The following WWP2 variants were observed in gnomAD, a reference collection of about 807,000 sequenced individuals.
WWP2 encodes WW domain containing E3 ubiquitin protein ligase 2.
Under a neutral mutation model 121.0 loss-of-function variants are expected in WWP2, and 57 were observed. That is an observed-to-expected ratio of 0.47 (90% CI 0.38 to 0.59). The LOEUF (loss-of-function observed/expected upper bound fraction) is 0.59. Ranked by LOEUF, WWP2 falls within the 20% of genes least tolerant of loss-of-function variation. The probability of loss-of-function intolerance (pLI) is 0.00; values close to 1 mark genes in which losing one functional copy is unlikely to be tolerated. For missense variants in WWP2, 962 were observed against 1,158.9 expected, an observed-to-expected ratio of 0.83 and a Z score of 2.47; for synonymous variants, 449 against 441.3, an observed-to-expected ratio of 1.02 and a Z score of -0.22.
In WWP2 at chr16:69,937,787, G is replaced by A. The variant is rs1057188135; in HGVS notation, c.2343+135G>A. ...CCTCCCACACCTTGCAAAAGGAGAC[G>A]ATAGACCAGCCTTGGGATGAACGGG... On this transcript the variant is annotated intron_variant, in intron 21 of 23. Coordinates refer to ENST00000359154, the MANE Select transcript of WWP2 (RefSeq NM_001270454.2). The surrounding 1 kb of genome is among the most constrained non-coding windows in gnomAD (Gnocchi z 6.6). 1.0e-4 allele frequency: 78 copies of A among 765,420 alleles called. No homozygotes were observed. The African/African-American group carries it at 1.2e-3, about 12-fold the overall frequency. 47.4% of individuals were successfully genotyped at this position (765,420 alleles called of 1,614,324 possible).
intron 6 of WWP2, among the ~76,000 whole-genome samples, chr16:69,854,019 A>C (rs2057266167): frequency 6.6e-6 from 1 of 152,236 alleles, no homozygotes; most frequent in Admixed American, 6.5e-5. Flanking sequence ...CTGAAGAGAC[A>C]CAGAGAGAAA....
chr16:69,917,739 G>C lies in WWP2; in HGVS notation c.1035G>C (p.Arg345Ser). 2 of 1,608,610 alleles carry C rather than the reference G, an allele frequency of 1.2e-6. No homozygotes were observed. The highest frequency in any genetic ancestry group is 1.7e-6 in the Non-Finnish European group (2 of 1,175,256). The change falls in exon 10 of 24, where the codon AGG becomes AGC. Residue 345 changes from arginine (R) to serine (S), a missense_variant. Around this residue, in one of 3 missense-constraint regions of WWP2, gnomAD observed 606 missense variants for 772.6 expected, o/e 0.78. Transcript: ENST00000359154. ...GWEKRTDPRGRFYYVDHNTRT... is the reference protein window; with the variant it reads ...GWEKRTDPRGSFYYVDHNTRT... ...AAAAACGCACAGATCCCCGAGGCAGGTTTTACTATGTGGATCACAATACTC... is the reference window on the plus strand; with the variant it reads ...AAAAACGCACAGATCCCCGAGGCAGCTTTTACTATGTGGATCACAATACTC...
At chr16:69,834,135 C>T (rs1168125222) in intron 4 of WWP2, among the ~76,000 whole-genome samples, 2 of 152,200 alleles carry the variant, frequency 1.3e-5, no homozygotes, top group African/African-American at 2.4e-5. Context: ...GTAACGGAGT[C>T]CCGTCCCATG....
chr16:69,862,696 C>A (rs1463601185), intron 6 of WWP2, among the ~76,000 whole-genome samples: 1 of 150,432 alleles, frequency 6.6e-6, no homozygotes, highest in Admixed American at 6.6e-5. Context: ...GGTATCCAGC[C>A]AGCCATGAAT....
At chr16:69,922,755 C>T (rs559539477) in intron 10 of WWP2, among the ~76,000 whole-genome samples, 103 of 152,168 alleles carry the variant, frequency 6.8e-4, no homozygotes, top group Non-Finnish European at 1.1e-3. Flanking sequence ...AGTTGTACTG[C>T]GTACCTTAGG....
chr16:69,778,956 T>C (rs1386852932), intron 1 of WWP2, among the ~76,000 whole-genome samples: 4 of 134,924 alleles, frequency 3.0e-5, no homozygotes, highest in Non-Finnish European at 4.8e-5. Context: ...TTTATTTATT[T>C]ATTTATTTTT....
At chr16:69,863,650 C>G (rs997857142) in intron 6 of WWP2, among the ~76,000 whole-genome samples, 11 of 151,938 alleles carry the variant, frequency 7.2e-5, no homozygotes, top group Admixed American at 5.3e-4. Flanking sequence ...CAAAAACAAA[C>G]AAAGAAACAA....
intron 1 of WWP2, among the ~76,000 whole-genome samples, chr16:69,777,034 T>C (rs1016907608): frequency 1.3e-4 from 20 of 151,566 alleles, no homozygotes; most frequent in Non-Finnish European, 2.9e-4. Flanking sequence ...CTTAAAACAG[T>C]ATATGTGTGT....
intron 10 of WWP2, among the ~76,000 whole-genome samples, chr16:69,919,420 G>A (rs1330404857): frequency 2.0e-5 from 3 of 152,306 alleles, no homozygotes; most frequent in East Asian, 1.9e-4. Context: ...GCCCACCTTG[G>A]CCTCCCAAAG....
intron 2 of WWP2, among the ~76,000 whole-genome samples, chr16:69,791,497 G>A (rs1170970001): frequency 6.6e-6 from 1 of 152,104 alleles, no homozygotes; most frequent in African/African-American, 2.4e-5. Context: ...CAAAGTGCTG[G>A]GATTACAGGC....
rs527638862 is a variant in WWP2, at chr16:69,920,319, C to T, written c.1179+2436C>T. ...CAGGGCCCCGCTGTCTAGCCCAGTG[C>T]GCTCTGCACACTTTCTTGGGCTAGG... On this transcript the variant is annotated intron_variant, in intron 10 of 23. Transcript: ENST00000359154. Among the ~76,000 whole-genome samples the T allele has an allele frequency of 1.3e-4, 20 of 152,292 alleles. No homozygotes were observed. The East Asian group carries it at 3.3e-3, about 25-fold the overall frequency.
At chr16:69,930,777 C>T (rs1297521232) in intron 13 of WWP2, among the ~76,000 whole-genome samples, 2 of 152,038 alleles carry the variant, frequency 1.3e-5, no homozygotes, top group Middle Eastern at 3.2e-3. Flanking sequence ...AAAGCTAAAG[C>T]GGGAGGATCG....
At chr16:69,893,959 CT>C (rs1239843887) in intron 8 of WWP2, among the ~76,000 whole-genome samples, 1 of 152,206 alleles carries the variant, frequency 6.6e-6, no homozygotes, top group Non-Finnish European at 1.5e-5. Context: ...TTTCTGGGCC[CT>C]CCAGGGGACT....
At chr16:69,826,052 A>G (rs1410809308) in intron 4 of WWP2, among the ~76,000 whole-genome samples, 1 of 145,004 alleles carries the variant, frequency 6.9e-6, no homozygotes, top group Non-Finnish European at 1.5e-5. Flanking sequence ...AGATCACCTG[A>G]GGTCAGGAGT....
At chr16:69,930,070 C>T (rs1387902176) in intron 12 of WWP2, 60 bp from the exon 13 acceptor site, 2 of 1,607,992 alleles carry the variant, frequency 1.2e-6, no homozygotes, top group Non-Finnish European at 1.7e-6. Context: ...ACCCAGCCTC[C>T]AACCACCAAG....
intron 4 of WWP2, among the ~76,000 whole-genome samples, chr16:69,832,124 C>G (rs540950286): frequency 1.3e-5 from 2 of 152,166 alleles, no homozygotes; most frequent in African/African-American, 4.8e-5. Context: ...CCACTGCGCC[C>G]TGCCTTCTTT....
chr16:69,826,477 C>G (rs142165244), intron 4 of WWP2, among the ~76,000 whole-genome samples: 1 of 146,382 alleles, frequency 6.8e-6, no homozygotes, highest in African/African-American at 2.5e-5. Flanking sequence ...GAGGCTGAGA[C>G]AGGAGAATTG....
intron 7 of WWP2, among the ~76,000 whole-genome samples, chr16:69,877,578 A>G (rs751215399): frequency 2.0e-5 from 3 of 152,072 alleles, no homozygotes; most frequent in Non-Finnish European, 4.4e-5. Context: ...CAACTTGGCT[A>G]ACTGTCACAA....
chr16:69,829,347 C>T lies in WWP2; in HGVS notation c.341-10779C>T, dbSNP rs535543570. 3.3e-5 allele frequency among the ~76,000 whole-genome samples: 5 copies of T among 152,300 alleles called. No homozygotes were observed. The South Asian group carries it at 1.0e-3, about 32-fold the overall frequency. On this transcript the variant is annotated intron_variant, in intron 4 of 23. Transcript: ENST00000359154. ...ATCTTGTCACACCTCAGTTAAAAAA[C>T]CCTTTAGCACTGTGCAGTGGCTCTT...
Sources: gnomAD v4.1 joint callset for allele counts (sites outside exome capture counted in the v4.1 genomes callset) on GRCh38, gnomAD v4.1.1 for gene constraint, gnomAD v4.1.1 regional missense constraint, Gnocchi (gnomAD v3.1) non-coding constraint, MANE v1.5 for transcripts, NCBI Gene and HGNC (gene_info 2026-07-23, HGNC 2026-07-21) for gene names.